The following CCSER1 variants were observed in gnomAD, a reference collection of about 807,000 sequenced individuals.
The protein encoded by CCSER1 is serine-rich coiled-coil domain-containing protein 1.
A neutral mutation model predicts 82.0 loss-of-function variants in CCSER1; 41 were observed. The ratio of observed to expected loss-of-function variants is 0.50; its 90% CI spans 0.39 to 0.65. The LOEUF (loss-of-function observed/expected upper bound fraction) is 0.65, where lower values mean the gene tolerates loss of function less well. Ranked by LOEUF, CCSER1 falls within the 30% of genes least tolerant of loss-of-function variation. CCSER1 has a pLI of 0.00. For synonymous variants in CCSER1, 414 were observed against 383.9 expected (o/e 1.08, Z -0.92); for missense variants, 1,119 against 1,064.2 (o/e 1.05, Z -0.72).
At chr4:90,937,229 A>G (rs998514702) in intron 9 of CCSER1, among the ~76,000 whole-genome samples, 2 of 152,286 alleles carry the variant, frequency 1.3e-5, no homozygotes, top group African/African-American at 4.8e-5. Flanking sequence ...GGTTCTGCCA[A>G]TGTTGCATTT....
chr4:90,814,422 C>T (rs190184032), intron 7 of CCSER1, among the ~76,000 whole-genome samples: 5 of 152,340 alleles, frequency 3.3e-5, no homozygotes, highest in Non-Finnish European at 7.3e-5. Context: ...CTCTTCATTA[C>T]TTAGGCAATT....
intron 7 of CCSER1, among the ~76,000 whole-genome samples, chr4:90,750,690 A>G (rs1748471533): frequency 6.6e-6 from 1 of 152,200 alleles, no homozygotes; most frequent in African/African-American, 2.4e-5. Context: ...TTGAAGAACA[A>G]TTCTATGCCA....
At chr4:90,901,006 CTTAAA>C (rs766962442) in intron 8 of CCSER1, among the ~76,000 whole-genome samples, 1 of 151,846 alleles carries the variant, frequency 6.6e-6, no homozygotes, top group Non-Finnish European at 1.5e-5. Flanking sequence ...GTTAAATCTT[CTTAAA>C]TTGAATCATT....
intron 4 of CCSER1, among the ~76,000 whole-genome samples, chr4:90,458,890 G>A (rs1292484025): frequency 6.6e-6 from 1 of 152,180 alleles, no homozygotes; most frequent in South Asian, 2.1e-4. Context: ...AACCTAGGTA[G>A]CATCTTCTGC....
At chr4:90,884,517 G>A (rs1721825495) in intron 8 of CCSER1, among the ~76,000 whole-genome samples, 1 of 151,956 alleles carries the variant, frequency 6.6e-6, no homozygotes, top group Non-Finnish European at 1.5e-5. Flanking sequence ...ATTAATTCTA[G>A]CTAGAGAAAG....
intron 10 of CCSER1, among the ~76,000 whole-genome samples, chr4:91,420,564 A>T (rs914562829): frequency 6.6e-6 from 1 of 152,106 alleles, no homozygotes; most frequent in Non-Finnish European, 1.5e-5. Context: ...GTCTCTGGAG[A>T]AGCAGGGAAC....
At chr4:90,756,637 C>T (rs1285868359) in intron 7 of CCSER1, among the ~76,000 whole-genome samples, 1 of 152,052 alleles carries the variant, frequency 6.6e-6, no homozygotes, top group South Asian at 2.1e-4. Flanking sequence ...ATATTTGTGA[C>T]ACACACCTAT....
chr4:90,532,844 C>T (rs902731898), intron 5 of CCSER1, among the ~76,000 whole-genome samples: 4 of 152,252 alleles, frequency 2.6e-5, no homozygotes, highest in South Asian at 4.1e-4. Flanking sequence ...GTAGCTTCCT[C>T]CTCTACTTCT....
intron 5 of CCSER1, among the ~76,000 whole-genome samples, chr4:90,570,566 A>T (rs1047308861): frequency 1.3e-5 from 2 of 151,830 alleles, no homozygotes. Flanking sequence ...CCTCCTGGTG[A>T]CCTCCTTCAA....
rs1246033561 is a variant in CCSER1 at position 90,583,206 on chromosome 4, G to A, written c.1725-44819G>A. Among the ~76,000 whole-genome samples the A allele has an allele frequency of 4.6e-5, 7 of 152,084 alleles. No homozygotes were observed. In the East Asian group the frequency reaches 5.8e-4, roughly 13 times the overall value. On this transcript the variant is annotated intron_variant, in intron 5 of 10. Transcript: ENST00000509176. ...TTTTAAGACGGAGTCTCGCTCTGTCGCCCAGGCTGGAGTGCAATAGCACTA... is the reference window on the plus strand; with the variant it reads ...TTTTAAGACGGAGTCTCGCTCTGTCACCCAGGCTGGAGTGCAATAGCACTA...
At chr4:91,390,123 T>C (rs1751556844) in intron 10 of CCSER1, among the ~76,000 whole-genome samples, 1 of 152,022 alleles carries the variant, frequency 6.6e-6, no homozygotes, top group African/African-American at 2.4e-5. Flanking sequence ...TGAGAAAATT[T>C]TGAGTTTCTA....
intron 10 of CCSER1, among the ~76,000 whole-genome samples, chr4:91,500,876 A>G (rs943149982): frequency 1.3e-5 from 2 of 152,004 alleles, no homozygotes; most frequent in African/African-American, 4.8e-5. Context: ...GAATTAATGT[A>G]TGTTAGGTAC....
At chr4:90,973,889 G>A (rs1735356678) in intron 9 of CCSER1, among the ~76,000 whole-genome samples, 1 of 151,386 alleles carries the variant, frequency 6.6e-6, no homozygotes, top group South Asian at 2.1e-4. Context: ...AGAAAATCCT[G>A]TCATTGTAAC....
intron 10 of CCSER1, among the ~76,000 whole-genome samples, chr4:91,425,324 A>T (rs1398040090): frequency 6.6e-6 from 1 of 152,118 alleles, no homozygotes; most frequent in Non-Finnish European, 1.5e-5. Flanking sequence ...TGTTAGAAAG[A>T]TTTTGATTTC....
At chr4:90,909,314 G>A (rs7683403) in intron 8 of CCSER1, among the ~76,000 whole-genome samples, 81,433 of 151,890 alleles carry the variant, frequency 0.54, 23,552 homozygotes, top group African/African-American at 0.76. Flanking sequence ...TCACATTCAC[G>A]GGCTCCAAGT....
chr4:91,383,697 T>G (rs1751086973), intron 10 of CCSER1, among the ~76,000 whole-genome samples: 1 of 152,134 alleles, frequency 6.6e-6, no homozygotes, highest in Admixed American at 6.6e-5. Context: ...TAGAATAAAT[T>G]TGCTAATCCC....
chr4:91,162,854 A>T (rs1731581171), intron 10 of CCSER1, among the ~76,000 whole-genome samples: 1 of 151,814 alleles, frequency 6.6e-6, no homozygotes, highest in African/African-American at 2.4e-5. Context: ...GTGGACTATC[A>T]ATTTTGTTGA....
chr4:91,339,988 G>A lies in CCSER1; in HGVS notation c.2217+253994G>A, dbSNP rs58441369. ...AAAAATTAGCCAGGAGTGGTGGCAC[G>A]CACCTGTAATCCCAGCAATTCAGTA... On this transcript the variant is annotated intron_variant, in intron 10 of 10. Coordinates refer to ENST00000509176, the MANE Select transcript of CCSER1 (RefSeq NM_001145065.2). 6.2e-3 allele frequency among the ~76,000 whole-genome samples: 940 copies of A among 151,988 alleles called. 7 individuals are homozygous for A. Among genetic ancestry groups the A allele is most frequent in the African/African-American group, 0.021 (879 of 41,462 alleles).
chr4:91,012,868 C>A (rs951069056), intron 9 of CCSER1, among the ~76,000 whole-genome samples: 1 of 133,708 alleles, frequency 7.5e-6, no homozygotes, highest in South Asian at 2.4e-4. Context: ...GGACTGTAGG[C>A]GTCCAAGGTG....
Sources: gnomAD v4.1 joint callset for allele counts (sites outside exome capture counted in the v4.1 genomes callset) on GRCh38, gnomAD v4.1.1 for gene constraint, MANE v1.5 for transcripts, NCBI Gene and HGNC (gene_info 2026-07-23, HGNC 2026-07-21) for gene names.